Variants in PCDHA6 observed in about 807,000 individuals in gnomAD.
PCDHA6 encodes protocadherin alpha-6.
PCDHA6 carries 55 observed loss-of-function variants against 60.3 expected under a neutral mutation model. The observed-to-expected ratio is 0.91, with a 90% CI of 0.73 to 1.14. The LOEUF is 1.14. PCDHA6 is among the 50% of genes most tolerant of loss of function. The pLI, the probability that PCDHA6 is intolerant of heterozygous loss-of-function variation, is 0.00. For synonymous variants in PCDHA6, 652 were observed against 557.9 expected (o/e 1.17, Z -2.38); for missense variants, 1,327 against 1,256.5 (o/e 1.06, Z -0.85).
rs1770191839 is a variant in PCDHA6 at position 140,829,262 on chromosome 5, C to T, written c.1171C>T (p.Pro391Ser). Residue 391 changes from proline (P) to serine (S), a missense_variant, in exon 1 of 4, where the codon CCT (proline) becomes TCT (serine). Coordinates refer to ENST00000529310, the MANE Select transcript of PCDHA6 (RefSeq NM_018909.4). ...CGGGCAGGTGAACTGCTCGCTGACGCCTCACGTCCCTTTCAAGCTGGTGTC... is the reference window on the plus strand; with the variant it reads ...CGGGCAGGTGAACTGCTCGCTGACGTCTCACGTCCCTTTCAAGCTGGTGTC... The part of the protein sequence containing the change: ...ANGQVNCSLT[P>S]HVPFKLVSTF... The T allele has an allele frequency of 6.2e-7, 1 of 1,614,142 alleles. No homozygotes were observed. The highest frequency in any genetic ancestry group is 8.5e-7 in the Non-Finnish European group (1 of 1,180,060).
At chr5:140,952,088 A>G (rs2094684736) in intron 1 of PCDHA6, among the ~76,000 whole-genome samples, 1 of 152,154 alleles carries the variant, frequency 6.6e-6, no homozygotes, top group South Asian at 2.1e-4. Flanking sequence ...TCCATGTCTC[A>G]CATCCAGGGC....
chr5:140,850,279 G>C (rs140634296), intron 1 of PCDHA6: 2 of 1,595,566 alleles, frequency 1.3e-6, no homozygotes, highest in African/African-American at 1.3e-5. Context: ...GGGAAGGTGC[G>C]CGCAGTGGAC....
At position 140,829,729 on chromosome 5, in the gene PCDHA6, C is replaced by A. The variant is rs1770524525; in HGVS notation, c.1638C>A (p.Gly546=). 1 of 1,613,494 alleles carries A rather than the reference C, an allele frequency of 6.2e-7. No homozygotes were observed. Among genetic ancestry groups the A allele is most frequent in the African/African-American group, 1.3e-5 (1 of 74,934 alleles). ...GCGACGCGGGCGTGCCGCCTCTGGGCAGCAACGTGACGCTGCAGGTGTTCG... is the reference window on the plus strand; with the variant it reads ...GCGACGCGGGCGTGCCGCCTCTGGGAAGCAACGTGACGCTGCAGGTGTTCG... ...SARDAGVPPL[G]SNVTLQVFVL... The change falls in exon 1 of 4, where the codon GGC becomes GGA. Residue 546 remains glycine (G), a synonymous_variant. Coordinates refer to ENST00000529310, the MANE Select transcript of PCDHA6 (RefSeq NM_018909.4).
chr5:140,930,824 T>C (rs545304113), intron 1 of PCDHA6, among the ~76,000 whole-genome samples: 16 of 152,342 alleles, frequency 1.1e-4, no homozygotes, highest in African/African-American at 3.8e-4. Context: ...TAGTAAATGC[T>C]GACTGAATGA....
rs200919454 is a variant in PCDHA6 at position 140,828,210 on chromosome 5, A to G, written c.119A>G (p.Lys40Arg). 5 of 1,613,938 alleles carry G rather than the reference A, an allele frequency of 3.1e-6. No individual in the cohort carries two copies. Among genetic ancestry groups the G allele is most frequent in the Non-Finnish European group, 3.4e-6 (4 of 1,180,054 alleles). The change falls in exon 1 of 4, where the codon AAA becomes AGA. Residue 40 changes from lysine (K) to arginine (R), a missense_variant. Physicochemically the swap from Lys to Arg is conservative, Grantham distance 26. Coordinates refer to ENST00000529310, the MANE Select transcript of PCDHA6 (RefSeq NM_018909.4). Reference sequence around the variant, plus strand: ...CACTACTCCGTACCCGAGGAGGCCAAACACGGCACCTTCGTGGGCCGGATC... The same window carrying G: ...CACTACTCCGTACCCGAGGAGGCCAGACACGGCACCTTCGTGGGCCGGATC... ...QLHYSVPEEA[K>R]HGTFVGRIAQ...
chr5:140,877,138 C>T (rs2056878695), intron 1 of PCDHA6: 2 of 1,613,636 alleles, frequency 1.2e-6, no homozygotes, highest in Non-Finnish European at 1.7e-6. Flanking sequence ...GGTGTTCGTG[C>T]TGGACGAGAA....
rs1340886726 is a variant in PCDHA6, at chr5:140,874,290, G to A, written c.2394+43805G>A. Among the ~76,000 whole-genome samples, 3 of 152,146 alleles carry A rather than the reference G, an allele frequency of 2.0e-5. No homozygotes were observed. The East Asian group carries it at 5.8e-4, about 29-fold the overall frequency. On this transcript the variant is annotated intron_variant, in intron 1 of 3. Transcript: ENST00000529310. ...GTATTAATAGACTTACAAAATCTAT[G>A]TGTACTTGTTCACAATGAGTTGTAG...
chr5:140,909,767 G>A (rs114075983), intron 1 of PCDHA6, among the ~76,000 whole-genome samples: 11,557 of 152,088 alleles, frequency 0.076, 504 homozygotes, highest in Middle Eastern at 0.14. Context: ...TGAGTCCAGG[G>A]ACCCACTGGA....
chr5:140,976,427 T>C (rs2096715861), intron 1 of PCDHA6, among the ~76,000 whole-genome samples: 1 of 152,064 alleles, frequency 6.6e-6, no homozygotes, highest in Admixed American at 6.5e-5. Flanking sequence ...GGCAGATGCC[T>C]GTAATCCCAG....
chr5:140,883,867 C>T (rs2059859396), intron 1 of PCDHA6: 3 of 1,613,138 alleles, frequency 1.9e-6, no homozygotes, highest in Non-Finnish European at 2.5e-6. Flanking sequence ...TGTTGCAGTT[C>T]CAGGTGAGCG....
intron 1 of PCDHA6, among the ~76,000 whole-genome samples, chr5:140,935,284 A>G (rs576807866): frequency 6.6e-6 from 1 of 152,340 alleles, no homozygotes; most frequent in South Asian, 2.1e-4. Context: ...AATAAAGTTC[A>G]GCACTCCGAG....
intron 1 of PCDHA6, among the ~76,000 whole-genome samples, chr5:140,890,263 A>G (rs1357896634): frequency 6.6e-6 from 1 of 152,194 alleles, no homozygotes; most frequent in Admixed American, 6.5e-5. Flanking sequence ...ACCTGATTGC[A>G]AGCAAGAACC....
In PCDHA6 at chr5:141,010,916, A is replaced by G. The variant is rs1554263193; in HGVS notation, c.*979A>G. The G allele has an allele frequency of 6.5e-6, 1 of 153,780 alleles. No individual in the cohort carries two copies. The highest frequency in any genetic ancestry group is 2.4e-5 in the African/African-American group (1 of 41,454). 9.5% of individuals were successfully genotyped at this position (153,780 alleles called of 1,614,324 possible). On this transcript the variant is annotated 3_prime_UTR_variant, in exon 4 of 4. Transcript: ENST00000529310. ...ATACAATTCCCCTAAACTCTCCTCAAAAGAGAATTCAGTCTACAGCCATTT... is the reference window on the plus strand; with the variant it reads ...ATACAATTCCCCTAAACTCTCCTCAGAAGAGAATTCAGTCTACAGCCATTT...
rs182574783 is a variant in PCDHA6, at chr5:140,952,922, G to A, written c.2395-26027G>A. Among the ~76,000 whole-genome samples the A allele has an allele frequency of 2.3e-3, 351 of 152,216 alleles. 2 individuals carry two copies. Among genetic ancestry groups the A allele is most frequent in the Admixed American group, 5.6e-3 (85 of 15,264 alleles). Reference sequence around the variant, plus strand: ...ATCAAGCTCATCTTACATGGCATGAGCAGGAGCAGGAGCAAGAGAGAGAGA... The same window carrying A: ...ATCAAGCTCATCTTACATGGCATGAACAGGAGCAGGAGCAAGAGAGAGAGA... On this transcript the variant is annotated intron_variant, in intron 1 of 3. Transcript: ENST00000529310.
At position 140,829,742 on chromosome 5, in the gene PCDHA6, C is replaced by G; in HGVS notation, c.1651C>G (p.Leu551Val). 1 of 1,613,678 alleles carries G rather than the reference C, an allele frequency of 6.2e-7. No individual in the cohort carries two copies. Among genetic ancestry groups the G allele is most frequent in the Non-Finnish European group, 8.5e-7 (1 of 1,179,874 alleles). The change falls in exon 1 of 4, where the codon CTG becomes GTG. Residue 551 changes from leucine to valine, a missense_variant. By Grantham distance (32) the Leu-to-Val change is conservative. Transcript: ENST00000529310. ...GCCGCCTCTGGGCAGCAACGTGACG[C>G]TGCAGGTGTTCGTGCTGGACGAGAA... ...GVPPLGSNVT[L>V]QVFVLDENDN...
intron 3 of PCDHA6, among the ~76,000 whole-genome samples, chr5:140,998,072 C>T (rs1554256158): frequency 6.6e-6 from 1 of 152,168 alleles, no homozygotes; most frequent in African/African-American, 2.4e-5. Context: ...CAGACTTAGC[C>T]TCTGCAGTTG....
intron 1 of PCDHA6, among the ~76,000 whole-genome samples, chr5:140,907,882 G>T (rs895415928): frequency 6.6e-6 from 1 of 152,168 alleles, no homozygotes; most frequent in Non-Finnish European, 1.5e-5. Context: ...GCACTCACAT[G>T]GGATACAAAT....
At chr5:140,853,128 C>T (rs2150528900) in intron 1 of PCDHA6, 17 of 607,300 alleles carry the variant, frequency 2.8e-5, no homozygotes, top group Non-Finnish European at 3.6e-5. Flanking sequence ...ATCCTCCCGC[C>T]TCAGCCTCCC....
At chr5:140,907,144 G>A (rs1006725502) in intron 1 of PCDHA6, among the ~76,000 whole-genome samples, 17 of 152,104 alleles carry the variant, frequency 1.1e-4, no homozygotes, top group Non-Finnish European at 2.4e-4. Flanking sequence ...CCGGCTATGG[G>A]AGAAACAGTA....
Sources: allele counts gnomAD v4.1 joint callset (sites outside exome capture counted in the v4.1 genomes callset), GRCh38; gene constraint gnomAD v4.1.1; transcripts MANE v1.5; gene names NCBI Gene and HGNC (gene_info 2026-07-23, HGNC 2026-07-21).